Variants in M1AP observed in about 807,000 individuals in gnomAD.
M1AP encodes the protein meiosis 1 arrest protein.
M1AP carries 39 observed loss-of-function variants against 51.2 expected under a neutral mutation model. The ratio of observed to expected loss-of-function variants is 0.76; its 90% CI spans 0.59 to 1.00. M1AP has a LOEUF of 1.00. M1AP is among the 50% of genes least tolerant of loss of function. The pLI is 0.00. For synonymous variants in M1AP, 251 were observed against 249.2 expected (o/e 1.01, Z -0.07); for missense variants, 545 against 641.2 (o/e 0.85, Z 1.62).
chr2:74,599,675 C>G (rs192541906), intron 4 of M1AP, among the ~76,000 whole-genome samples: 2 of 152,214 alleles, frequency 1.3e-5, no homozygotes, highest in Admixed American at 1.3e-4. Flanking sequence ...ATCTAAACAT[C>G]TGGTAAGGCA....
rs372572129 is a variant in M1AP, at chr2:74,622,013, G to A, written c.241-6864C>T. On this transcript the variant is annotated intron_variant, in intron 2 of 10. Transcript: ENST00000421985. ...TGCACACCTGTAATCCCAGCTACTCGGGAGACTGAGGCATAAGAATCACTT... is the reference window on the plus strand; with the variant it reads ...TGCACACCTGTAATCCCAGCTACTCAGGAGACTGAGGCATAAGAATCACTT... 5.3e-4 allele frequency among the ~76,000 whole-genome samples: 80 copies of A among 150,388 alleles called. 1 individual carries two copies. The South Asian group carries it at 0.011, about 20-fold the overall frequency.
intron 4 of M1AP, among the ~76,000 whole-genome samples, chr2:74,592,440 C>CT (rs943297493): frequency 1.3e-5 from 2 of 152,036 alleles, no homozygotes; most frequent in African/African-American, 2.4e-5. Flanking sequence ...ATTTAAAAAT[C>CT]TTTTTTTGAA....
intron 3 of M1AP, among the ~76,000 whole-genome samples, chr2:74,612,688 G>A (rs1196538034): frequency 6.6e-6 from 1 of 151,924 alleles, no homozygotes; most frequent in South Asian, 2.1e-4. Context: ...TATCTCATAA[G>A]TTTTGGTATA....
At chr2:74,604,315 T>C (rs1346120181) in intron 4 of M1AP, among the ~76,000 whole-genome samples, 2 of 152,222 alleles carry the variant, frequency 1.3e-5, no homozygotes, top group African/African-American at 4.8e-5. Flanking sequence ...AGCTAATTCC[T>C]ACTTGTCTTC....
At chr2:74,580,315 C>T (rs1679324289) in intron 5 of M1AP, among the ~76,000 whole-genome samples, 1 of 152,082 alleles carries the variant, frequency 6.6e-6, no homozygotes, top group Non-Finnish European at 1.5e-5. Flanking sequence ...TTGCTAGCTG[C>T]CTTAAGTAGG....
At position 74,601,237 on chromosome 2, in the gene M1AP, C is replaced by T. The variant is rs1680654605; in HGVS notation, c.595+5818G>A. On this transcript the variant is annotated intron_variant, in intron 4 of 10. Coordinates refer to ENST00000421985, the MANE Select transcript of M1AP (RefSeq NM_001321739.2). ...ATAGTTAAATAAATGATGATTAATT[C>T]ATACATTGGAATACTTCATAGCTAT... is the stretch of plus-strand genomic sequence containing the variant. Among the ~76,000 whole-genome samples, 3 of 151,834 alleles carry T rather than the reference C, an allele frequency of 2.0e-5. No homozygotes were observed. In the South Asian group the frequency reaches 6.2e-4, roughly 32 times the overall value.
chr2:74,561,281 T>G (rs1677994083), intron 8 of M1AP, among the ~76,000 whole-genome samples: 1 of 96,736 alleles, frequency 1.0e-5, no homozygotes, highest in Non-Finnish European at 2.2e-5. Context: ...AAGAAGGAGG[T>G]AAAAATGGCT....
At chr2:74,646,235 T>A (rs1040828536) in intron 1 of M1AP, among the ~76,000 whole-genome samples, 3 of 152,152 alleles carry the variant, frequency 2.0e-5, no homozygotes, top group African/African-American at 7.2e-5. Context: ...GCCCATGTGA[T>A]GTTTTATAAA....
intron 7 of M1AP, among the ~76,000 whole-genome samples, chr2:74,569,123 T>G (rs1259516405): frequency 8.5e-5 from 13 of 152,174 alleles, no homozygotes. Flanking sequence ...GATTAGTATA[T>G]TTAAGAAATT....
intron 4 of M1AP, among the ~76,000 whole-genome samples, chr2:74,605,639 A>T (rs1206155813): frequency 6.6e-6 from 1 of 152,064 alleles, no homozygotes; most frequent in Non-Finnish European, 1.5e-5. Context: ...GGAGGCTCAC[A>T]CCTGTAATCC....
At chr2:74,591,337 T>C (rs1334404818) in intron 4 of M1AP, among the ~76,000 whole-genome samples, 3 of 152,214 alleles carry the variant, frequency 2.0e-5, no homozygotes, top group Non-Finnish European at 2.9e-5. Flanking sequence ...TCACTATTGA[T>C]TGAAATATTC....
chr2:74,618,570 T>G (rs1001594299), intron 2 of M1AP, among the ~76,000 whole-genome samples: 1 of 152,196 alleles, frequency 6.6e-6, no homozygotes, highest in African/African-American at 2.4e-5. Flanking sequence ...CACAGCTGTT[T>G]CCAGGCACTT....
At chr2:74,566,595 A>G (rs1678399176) in intron 7 of M1AP, among the ~76,000 whole-genome samples, 1 of 152,198 alleles carries the variant, frequency 6.6e-6, no homozygotes, top group African/African-American at 2.4e-5. Context: ...GCTAGGTCAC[A>G]GGAAGCCCAC....
intron 1 of M1AP, among the ~76,000 whole-genome samples, chr2:74,643,226 G>A (rs185440366): frequency 4.7e-4 from 71 of 151,646 alleles, no homozygotes; most frequent in African/African-American, 1.5e-3. Context: ...ACCCAAAACT[G>A]AAAAAAACAC....
At chr2:74,604,731 C>T (rs529921490) in intron 4 of M1AP, among the ~76,000 whole-genome samples, 6 of 152,236 alleles carry the variant, frequency 3.9e-5, no homozygotes, top group African/African-American at 1.4e-4. Context: ...TTGTGGGTAA[C>T]TTAGATTTAC....
intron 8 of M1AP, among the ~76,000 whole-genome samples, chr2:74,561,530 T>G (rs991022835): frequency 3.3e-5 from 5 of 152,218 alleles, no homozygotes; most frequent in South Asian, 2.1e-4. Flanking sequence ...ACAGACACAC[T>G]CGGGCACAAA....
At chr2:74,639,386 T>C (rs1052999082) in intron 2 of M1AP, among the ~76,000 whole-genome samples, 6 of 152,218 alleles carry the variant, frequency 3.9e-5, no homozygotes, top group African/African-American at 1.4e-4. Context: ...CCTCTGGAAG[T>C]CTTTCTCTTC....
intron 5 of M1AP, among the ~76,000 whole-genome samples, chr2:74,580,016 C>G (rs1249107441): frequency 6.6e-6 from 1 of 152,096 alleles, no homozygotes; most frequent in South Asian, 2.1e-4. Context: ...CTATGTTACA[C>G]AGGCTGTCAT....
Position 74,640,325 on chromosome 2 carries a change from C to T in M1AP, c.-50G>A, listed in dbSNP as rs1394066014. 1 of 1,602,502 alleles carries T rather than the reference C, an allele frequency of 6.2e-7. No homozygotes were observed. Among genetic ancestry groups the T allele is most frequent in the African/African-American group, 1.3e-5 (1 of 74,546 alleles). ...GTAGCCACCAGCTGGATATTCTTTA[C>T]ACCTATAGGGAAGGAAAGAGAAACC... is the stretch of plus-strand genomic sequence containing the variant. On this transcript the variant is annotated splice_region_variant and 5_prime_UTR_variant, in exon 2 of 11. Coordinates refer to ENST00000421985, the MANE Select transcript of M1AP (RefSeq NM_001321739.2).
Sources: gnomAD v4.1 joint callset for allele counts (sites outside exome capture counted in the v4.1 genomes callset) on GRCh38, gnomAD v4.1.1 for gene constraint, MANE v1.5 for transcripts, NCBI Gene and HGNC (gene_info 2026-07-23, HGNC 2026-07-21) for gene names.